The following ACOX1 variants were observed in gnomAD, a reference collection of about 807,000 sequenced individuals.
The protein encoded by ACOX1 is acyl-CoA oxidase 1, also known as peroxisomal acyl-coenzyme A oxidase 1.
A neutral mutation model predicts 75.5 loss-of-function variants in ACOX1; 41 were observed. The observed-to-expected ratio is 0.54, with a 90% CI of 0.42 to 0.70. The LOEUF (loss-of-function observed/expected upper bound fraction) is 0.70, where lower values mean the gene tolerates loss of function less well. Ranked by LOEUF, ACOX1 falls within the 30% of genes least tolerant of loss-of-function variation. ACOX1 has a pLI of 0.00. For synonymous variants in ACOX1, 303 were observed against 298.8 expected (o/e 1.01, Z -0.15); for missense variants, 630 against 837.5 (o/e 0.75, Z 3.06).
Position 75,942,461 on chromosome 17 carries a change from CA to C in ACOX1, c.*4286del, listed in dbSNP as rs1416047919. 6.7e-6 allele frequency: 1 copy of C among 148,390 alleles called. No individual in the cohort carries two copies. The highest frequency in any genetic ancestry group is 2.5e-5 in the African/African-American group (1 of 39,744). 9.2% of individuals were successfully genotyped at this position (148,390 alleles called of 1,614,324 possible). On this transcript the variant is annotated 3_prime_UTR_variant, in exon 14 of 14. Coordinates refer to ENST00000293217, the MANE Select transcript of ACOX1 (RefSeq NM_004035.7). ...AAAAAAAAAAAAAAAAGCAAAACCC[CA>C]CCATCAATATTTTAAAATAAAAAGT...
At chr17:75,971,670 A>T (rs2065995637) in intron 2 of ACOX1, among the ~76,000 whole-genome samples, 1 of 149,794 alleles carries the variant, frequency 6.7e-6, no homozygotes, top group Non-Finnish European at 1.5e-5. Context: ...TGAACCCAGG[A>T]GGTGGAGGTT....
chr17:75,971,291 C>CAAA (rs376674086), intron 2 of ACOX1, among the ~76,000 whole-genome samples: 6 of 92,400 alleles, frequency 6.5e-5, no homozygotes, highest in Admixed American at 1.1e-4. Flanking sequence ...AACTCTGTCT[C>CAAA]AAAAAAAAAA....
chr17:75,954,113 A>G (rs1327577381), intron 6 of ACOX1, among the ~76,000 whole-genome samples: 1 of 151,460 alleles, frequency 6.6e-6, no homozygotes, highest in Non-Finnish European at 1.5e-5. Flanking sequence ...GCTACTCAGG[A>G]GCTGAGACAG....
At chr17:75,973,560 G>T in intron 2 of ACOX1, 1 of 1,557,232 alleles carries the variant, frequency 6.4e-7, no homozygotes, top group Non-Finnish European at 8.9e-7. Flanking sequence ...AAAGTCAAAT[G>T]CCAGCAATCA....
Position 75,964,423 on chromosome 17 carries a change from T to G in ACOX1, c.270-4048A>C, listed in dbSNP as rs532285386. 7.2e-5 allele frequency among the ~76,000 whole-genome samples: 11 copies of G among 152,232 alleles called. No homozygotes were observed. In the South Asian group the frequency reaches 2.3e-3, roughly 32 times the overall value. On this transcript the variant is annotated intron_variant, in intron 2 of 13. Coordinates refer to ENST00000293217, the MANE Select transcript of ACOX1 (RefSeq NM_004035.7). The stretch of plus-strand genomic sequence containing the variant: ...TTTACTTCACTAGAAATCAGAGCAA[T>G]TCCTGGTGAAGGAAAGGCCACTATC...
Position 75,942,699 on chromosome 17 carries a change from C to T in ACOX1, c.*4049G>A, listed in dbSNP as rs1376771377. ...GTAGCAGCTACTGCTTGAAGACAACCTATATATCCCAGGCATACCCTCTAC... is the reference window on the plus strand; with the variant it reads ...GTAGCAGCTACTGCTTGAAGACAACTTATATATCCCAGGCATACCCTCTAC... On this transcript the variant is annotated 3_prime_UTR_variant, in exon 14 of 14. Coordinates refer to ENST00000293217, the MANE Select transcript of ACOX1 (RefSeq NM_004035.7). 6.6e-6 allele frequency: 1 copy of T among 152,016 alleles called. No individual in the cohort carries two copies. Among genetic ancestry groups the T allele is most frequent in the African/African-American group, 2.4e-5 (1 of 41,378 alleles). 9.4% of individuals were successfully genotyped at this position (152,016 alleles called of 1,614,324 possible).
rs2065881774 is a variant in ACOX1 at position 75,960,967 on chromosome 17, A to C, written c.270-592T>G. Among the ~76,000 whole-genome samples the C allele has an allele frequency of 6.6e-6, 1 of 151,982 alleles. No individual in the cohort carries two copies. Among genetic ancestry groups the C allele is most frequent in the East Asian group, 1.9e-4 (1 of 5,158 alleles). ...GCATTCCAGCCTGGGTGACAGAGTGAGACTCTGTCTCAAAAAAAATAAATA... is the reference window on the plus strand; with the variant it reads ...GCATTCCAGCCTGGGTGACAGAGTGCGACTCTGTCTCAAAAAAAATAAATA... On this transcript the variant is annotated intron_variant, in intron 2 of 13. Transcript: ENST00000293217. The surrounding 1 kb of genome is among the most constrained non-coding windows in gnomAD (Gnocchi z 4.4).
intron 6 of ACOX1, among the ~76,000 whole-genome samples, chr17:75,954,019 C>T (rs2065798496): frequency 6.6e-6 from 1 of 151,986 alleles, no homozygotes; most frequent in Non-Finnish European, 1.5e-5. Flanking sequence ...GAATTCGAGA[C>T]CAGCCTGACC....
chr17:75,965,936 C>G (rs372388662), intron 2 of ACOX1, among the ~76,000 whole-genome samples: 2 of 151,770 alleles, frequency 1.3e-5, no homozygotes, highest in African/African-American at 4.8e-5. Flanking sequence ...TCGAGACCAG[C>G]CTGGCCAACA....
chr17:75,957,689 A>G, intron 3 of ACOX1, 123 bp from the exon 4 acceptor site: 2 of 698,994 alleles, frequency 2.9e-6, no homozygotes, highest in Non-Finnish European at 5.1e-6. Context: ...CTAACAAAAA[A>G]CACCTGTAGA....
intron 2 of ACOX1, among the ~76,000 whole-genome samples, chr17:75,969,219 C>A (rs1027921967): frequency 6.6e-6 from 1 of 152,112 alleles, no homozygotes; most frequent in East Asian, 1.9e-4. Flanking sequence ...CAGGCTAGAG[C>A]GCAATGGCGC....
At position 75,942,429 on chromosome 17, in the gene ACOX1, C is replaced by CAAAAAAAAAAA. The variant is rs35173085; in HGVS notation, c.*4308_*4318dup. The CAAAAAAAAAAA allele has an allele frequency of 1.5e-5, 1 of 66,634 alleles. No individual in the cohort carries two copies. Among genetic ancestry groups the CAAAAAAAAAAA allele is most frequent in the Non-Finnish European group, 2.9e-5 (1 of 34,376 alleles). 4.1% of individuals were successfully genotyped at this position (66,634 alleles called of 1,614,324 possible). ...TGGGTGAAAGAGCAAGACAACGTCT[C>CAAAAAAAAAAA]AAAAAAAAAAAAAAAAAAAAAAGCA... On this transcript the variant is annotated 3_prime_UTR_variant, in exon 14 of 14. Transcript: ENST00000293217.
Position 75,948,299 on chromosome 17 carries a change from A to G in ACOX1, c.1887T>C (p.Tyr629=). The change falls in exon 13 of 14, where the codon TAT becomes TAC. Residue 629 remains tyrosine (Y), a synonymous_variant. Transcript: ENST00000293217. ...SVLGRYDGNV[Y]ENLFEWAKNS... ...TCTTAGCCCACTCAAACAAGTTTTC[A>G]TACACATTCCCATCATAGCGGCCAA... 6.2e-7 allele frequency: 1 copy of G among 1,614,100 alleles called. No homozygotes were observed. The highest frequency in any genetic ancestry group is 8.5e-7 in the Non-Finnish European group (1 of 1,179,988).
chr17:75,949,167 AT>A, intron 12 of ACOX1, 49 bp downstream of exon 12: 5 of 1,610,950 alleles, frequency 3.1e-6, no homozygotes, highest in Non-Finnish European at 4.2e-6. Context: ...GCCAACAATT[AT>A]TTTTCTTAAA....
At position 75,955,613 on chromosome 17, in the gene ACOX1, C is replaced by G. The variant is rs901411882; in HGVS notation, c.727G>C (p.Asp243His). ...TTTTCTCTGGGAATACGATGGTTGT[C>G]CATTTTGAGGTAGCCATTGTCTATC... is the stretch of plus-strand genomic sequence containing the variant. ...DEIDNGYLKM[D>H]NHRIPRENML... Residue 243 changes from aspartate to histidine, a missense_variant, in exon 6 of 14, where the codon GAC becomes CAC. This residue lies in a region of ACOX1 where 390 missense variants were observed against 574.9 expected (regional missense o/e 0.68). Transcript: ENST00000293217. 1 of 1,614,076 alleles carries G rather than the reference C, an allele frequency of 6.2e-7. No homozygotes were observed. Among genetic ancestry groups the G allele is most frequent in the African/African-American group, 1.3e-5 (1 of 74,928 alleles).
rs771321641 is a variant in ACOX1, at chr17:75,978,729, G to C, written c.110-36C>G. 6.2e-7 allele frequency: 1 copy of C among 1,611,272 alleles called. No homozygotes were observed. Among genetic ancestry groups the C allele is most frequent in the Non-Finnish European group, 8.5e-7 (1 of 1,179,884 alleles). ...GTTAAAGGGCATTAAAAGGCAGACA[G>C]ACACTCGGGCCTCCGTTCCACCCTC... On this transcript the variant is annotated intron_variant, in intron 1 of 13. Coordinates refer to ENST00000293217, the MANE Select transcript of ACOX1 (RefSeq NM_004035.7). This position sits in a 1 kb window ranked among gnomAD's most constrained non-coding sequence, Gnocchi z 4.2.
intron 13 of ACOX1, among the ~76,000 whole-genome samples, chr17:75,947,405 G>T (rs1032633429): frequency 6.6e-6 from 1 of 151,834 alleles, no homozygotes; most frequent in African/African-American, 2.4e-5. Flanking sequence ...GCGCCACCAC[G>T]CCTGGCTAAT....
In ACOX1 at chr17:75,945,816, A is replaced by G. The variant is rs762398053; in HGVS notation, c.*932T>C. 11 of 152,508 alleles carry G rather than the reference A, an allele frequency of 7.2e-5. No homozygotes were observed. Among genetic ancestry groups the G allele is most frequent in the Non-Finnish European group, 1.6e-4 (11 of 67,948 alleles). 9.4% of individuals were successfully genotyped at this position (152,508 alleles called of 1,614,324 possible). ...AAAAAAAACAACTCACAGTTTCAAT[A>G]TTTTCTGAACCAAAAATCAGAACAC... On this transcript the variant is annotated 3_prime_UTR_variant, in exon 14 of 14. Coordinates refer to ENST00000293217, the MANE Select transcript of ACOX1 (RefSeq NM_004035.7).
intron 2 of ACOX1, among the ~76,000 whole-genome samples, chr17:75,963,959 G>A (rs113018604): frequency 5.9e-4 from 89 of 151,710 alleles, no homozygotes; most frequent in East Asian, 4.5e-3. Context: ...CAAGGTGGGC[G>A]GATCACTTGA....
Sources: allele counts gnomAD v4.1 joint callset (sites outside exome capture counted in the v4.1 genomes callset), GRCh38; gene constraint gnomAD v4.1.1; regional missense constraint gnomAD v4.1.1; non-coding constraint Gnocchi (gnomAD v3.1); transcripts MANE v1.5; gene names NCBI Gene and HGNC (gene_info 2026-07-23, HGNC 2026-07-21).